Variants in NRXN3 observed in about 807,000 individuals in gnomAD.
NRXN3 encodes neurexin 3, also known as neurexin III.
A neutral mutation model predicts 137.6 loss-of-function variants in NRXN3; 32 were observed. That is an observed-to-expected ratio of 0.23 (90% confidence interval 0.18 to 0.31). The LOEUF (loss-of-function observed/expected upper bound fraction) is 0.31. Ranked by LOEUF, NRXN3 falls within the 10% of genes least tolerant of loss-of-function variation. The pLI is 1.00. For synonymous variants in NRXN3, 798 were observed against 784.5 expected (o/e 1.02, Z -0.29); for missense variants, 1,574 against 2,062.5 (o/e 0.76, Z 4.59).
chr14:78,648,288 C>G (rs1281093662), intron 5 of NRXN3, among the ~76,000 whole-genome samples: 2 of 152,200 alleles, frequency 1.3e-5, no homozygotes, highest in African/African-American at 2.4e-5. Flanking sequence ...CATTGCTTTA[C>G]CTCTATGTGT....
At chr14:79,485,347 C>G (rs1472667190) in intron 16 of NRXN3, among the ~76,000 whole-genome samples, 2 of 152,146 alleles carry the variant, frequency 1.3e-5, no homozygotes, top group East Asian at 3.9e-4. Flanking sequence ...CTCCCCACCA[C>G]CCCCCAACTC....
chr14:79,162,425 G>T (rs2060877565), intron 15 of NRXN3, among the ~76,000 whole-genome samples: 1 of 151,686 alleles, frequency 6.6e-6, no homozygotes, highest in African/African-American at 2.4e-5. Context: ...AGTTTACTGA[G>T]AATGATGATT....
chr14:78,931,887 C>A (rs1430084780), intron 10 of NRXN3, among the ~76,000 whole-genome samples: 1 of 152,122 alleles, frequency 6.6e-6, no homozygotes, highest in Non-Finnish European at 1.5e-5. Context: ...TGGCTCACAC[C>A]TGTAATCCCA....
intron 15 of NRXN3, among the ~76,000 whole-genome samples, chr14:79,010,677 A>G (rs2099569464): frequency 6.6e-6 from 1 of 152,210 alleles, no homozygotes; most frequent in Admixed American, 6.5e-5. Flanking sequence ...TTTAGCTACA[A>G]TGATGGGTTG....
intron 3 of NRXN3, among the ~76,000 whole-genome samples, chr14:78,281,262 CG>C (rs2074370273): frequency 6.6e-6 from 1 of 152,176 alleles, no homozygotes; most frequent in African/African-American, 2.4e-5. Flanking sequence ...GAGCCGACAG[CG>C]CTGTGGTTCT....
chr14:79,786,201 A>C (rs1215814303), intron 19 of NRXN3, among the ~76,000 whole-genome samples: 2 of 152,240 alleles, frequency 1.3e-5, no homozygotes, highest in Non-Finnish European at 2.9e-5. Context: ...TAGACTGTTT[A>C]TGGACTGTCT....
At chr14:78,708,141 G>T (rs1362354641) in intron 6 of NRXN3, among the ~76,000 whole-genome samples, 2 of 152,152 alleles carry the variant, frequency 1.3e-5, no homozygotes, top group African/African-American at 4.8e-5. Flanking sequence ...TTTCCATAGT[G>T]GCTGTTAGAC....
chr14:78,379,754 T>C (rs1327666647), intron 4 of NRXN3, among the ~76,000 whole-genome samples: 2 of 152,104 alleles, frequency 1.3e-5, no homozygotes, highest in Non-Finnish European at 1.5e-5. Context: ...TTCTAGCCAG[T>C]GAAATAAGGC....
chr14:78,234,465 T>A (rs549271604), intron 1 of NRXN3, among the ~76,000 whole-genome samples: 20 of 152,334 alleles, frequency 1.3e-4, no homozygotes, highest in African/African-American at 4.8e-4. Context: ...AGTGGATAAG[T>A]GATGGGCTCA....
intron 19 of NRXN3, among the ~76,000 whole-genome samples, chr14:79,754,469 G>A (rs1370246568): frequency 7.4e-6 from 1 of 135,878 alleles, no homozygotes; most frequent in Non-Finnish European, 1.6e-5. Context: ...CCCCTTGATG[G>A]ATACAGAGGG....
chr14:78,569,002 C>T (rs1276078884), intron 4 of NRXN3, among the ~76,000 whole-genome samples: 4 of 114,084 alleles, frequency 3.5e-5, no homozygotes, highest in Non-Finnish European at 5.0e-5. Context: ...GGGTCTCATT[C>T]TGTCACCCAG....
chr14:79,359,583 T>G (rs2093613282), intron 15 of NRXN3, among the ~76,000 whole-genome samples: 1 of 151,242 alleles, frequency 6.6e-6, no homozygotes, highest in African/African-American at 2.4e-5. Flanking sequence ...TTTTTTTTTT[T>G]TTTTGGAGAC....
chr14:78,482,803 T>G (rs1271035627), intron 4 of NRXN3, among the ~76,000 whole-genome samples: 1 of 152,226 alleles, frequency 6.6e-6, no homozygotes, highest in Non-Finnish European at 1.5e-5. Context: ...GTGTCAGAAG[T>G]GACAGGCTTG....
At chr14:78,393,361 C>T (rs2091019332) in intron 4 of NRXN3, among the ~76,000 whole-genome samples, 2 of 152,024 alleles carry the variant, frequency 1.3e-5, no homozygotes, top group Non-Finnish European at 2.9e-5. Context: ...ACGCTGATAT[C>T]ATCAAGATAC....
At chr14:78,578,366 G>A (rs2096958230) in intron 4 of NRXN3, among the ~76,000 whole-genome samples, 1 of 152,216 alleles carries the variant, frequency 6.6e-6, no homozygotes, top group Non-Finnish European at 1.5e-5. Context: ...GGGTCACTGT[G>A]ATGGAGTGTT....
intron 18 of NRXN3, among the ~76,000 whole-genome samples, chr14:79,696,064 G>A: frequency 6.6e-6 from 1 of 151,916 alleles, no homozygotes; most frequent in East Asian, 1.9e-4. Context: ...ATTAACTCTT[G>A]TCTAAGGAGT....
intron 19 of NRXN3, among the ~76,000 whole-genome samples, chr14:79,768,900 A>G (rs1474080238): frequency 2.6e-5 from 4 of 151,536 alleles, no homozygotes; most frequent in Non-Finnish European, 5.9e-5. Context: ...ATGTATAACT[A>G]GAATAACCAA....
chr14:78,930,127 C>T (rs553799845), intron 10 of NRXN3, among the ~76,000 whole-genome samples: 3 of 152,210 alleles, frequency 2.0e-5, no homozygotes, highest in South Asian at 2.1e-4. Flanking sequence ...TTGAGCTTAA[C>T]GCTCTTCAAG....
intron 16 of NRXN3, among the ~76,000 whole-genome samples, chr14:79,583,014 T>C (rs537285175): frequency 1.3e-5 from 2 of 152,346 alleles, no homozygotes; most frequent in East Asian, 3.9e-4. Flanking sequence ...ACAGCATTTA[T>C]AGAATGTTTT....
Sources: gnomAD v4.1 joint callset for allele counts (sites outside exome capture counted in the v4.1 genomes callset) on GRCh38, gnomAD v4.1.1 for gene constraint, MANE v1.5 for transcripts, NCBI Gene and HGNC (gene_info 2026-07-23, HGNC 2026-07-21) for gene names.